Variants in MKLN1 observed in about 807,000 individuals in gnomAD.
The protein encoded by MKLN1 is muskelin.
In MKLN1, 18 loss-of-function variants were observed where a neutral mutation model predicts 99.0. That is an observed-to-expected ratio of 0.18 (90% CI 0.13 to 0.27). The LOEUF is 0.27. Ranked by LOEUF, MKLN1 falls within the 10% of genes least tolerant of loss-of-function variation. MKLN1 has a pLI of 1.00. For missense variants in MKLN1, 621 were observed against 875.9 expected (o/e 0.71, Z 3.67); for synonymous variants, 288 against 293.2 (o/e 0.98, Z 0.18).
rs1797509945 is a variant in MKLN1 at position 131,494,679 on chromosome 7, A to G, written c.*6951A>G. ...ACTTACAAATCATCCGTTCAGAAAA[A>G]TAAAAGTGGACTTCCTTTCCTAAGC... is the stretch of plus-strand genomic sequence containing the variant. On this transcript the variant is annotated 3_prime_UTR_variant, in exon 18 of 18. Transcript: ENST00000352689. 6.6e-6 allele frequency: 1 copy of G among 152,214 alleles called. No homozygotes were observed. The highest frequency in any genetic ancestry group is 6.5e-5 in the Admixed American group (1 of 15,278). The allele number at this position is 152,214 out of a possible 1,614,324, so 9.4% of individuals were successfully genotyped here. A position where few individuals can be genotyped will look rare whatever the true frequency, so the allele number is the denominator to read the frequency against.
intron 2 of MKLN1, among the ~76,000 whole-genome samples, chr7:131,385,542 A>AATT (rs556034576): frequency 9.9e-5 from 15 of 151,916 alleles, no homozygotes; most frequent in Non-Finnish European, 1.9e-4. Flanking sequence ...TGCATTTTAA[A>AATT]ATTATTATTA....
At chr7:131,352,034 G>C (rs1799734569) in intron 1 of MKLN1, among the ~76,000 whole-genome samples, 1 of 152,154 alleles carries the variant, frequency 6.6e-6, no homozygotes, top group Non-Finnish European at 1.5e-5. Flanking sequence ...CAAGACAAAT[G>C]CTTAATTCTT....
chr7:131,378,224 G>A (rs368083660), intron 2 of MKLN1, among the ~76,000 whole-genome samples: 88 of 152,238 alleles, frequency 5.8e-4, no homozygotes, highest in Middle Eastern at 3.4e-3. Flanking sequence ...TGATTCTCCT[G>A]CCTCAGCCTC....
chr7:131,344,786 G>T (rs1274417131), intron 1 of MKLN1, among the ~76,000 whole-genome samples: 1 of 152,136 alleles, frequency 6.6e-6, no homozygotes, highest in Admixed American at 6.5e-5. Flanking sequence ...TAATCAATTT[G>T]TCAGTTGATG....
At position 131,216,289 on chromosome 7, in the gene MKLN1, G is replaced by A. The variant is rs532306502; in HGVS notation, c.-179+13315G>A. On this transcript the variant is annotated intron_variant, in intron 3 of 7. Transcript: ENST00000416992. Reference sequence around the variant, plus strand: ...TACAAAAAATACAGGAGTGCGTGGTGGCGCACTCCTGTAATCCCAGCTACT... The same window carrying A: ...TACAAAAAATACAGGAGTGCGTGGTAGCGCACTCCTGTAATCCCAGCTACT... Among the ~76,000 whole-genome samples, 21 of 151,840 alleles carry A rather than the reference G, an allele frequency of 1.4e-4. No homozygotes were observed. In the South Asian group the frequency reaches 4.4e-3, roughly 32 times the overall value.
Position 131,491,212 on chromosome 7 carries a change from TCTAA to T in MKLN1, c.*3488_*3491del, listed in dbSNP as rs1797413539. 1 of 151,932 alleles carries T rather than the reference TCTAA, an allele frequency of 6.6e-6. No individual in the cohort carries two copies. Among genetic ancestry groups the T allele is most frequent in the African/African-American group, 2.4e-5 (1 of 41,364 alleles). The allele number at this position is 151,932 out of a possible 1,614,324, so 9.4% of individuals were successfully genotyped here. On this transcript the variant is annotated 3_prime_UTR_variant, in exon 18 of 18. Transcript: ENST00000352689. ...GCAATGTATATTCTAAATAAAGTCATCTAACTATTAAAAAAAAAACACCCTTCCT... is the reference window on the plus strand; with the variant it reads ...GCAATGTATATTCTAAATAAAGTCATCTATTAAAAAAAAAACACCCTTCCT...
rs1160976857 is a variant in MKLN1 at position 131,407,505 on chromosome 7, A to C, written c.704-3801A>C. ...CATTATTAATATTTTAATGTGGTGA[A>C]TTTTTCCTATTTTTAGAAGCTTCTT... On this transcript the variant is annotated intron_variant, in intron 6 of 17. Coordinates refer to ENST00000352689, the MANE Select transcript of MKLN1 (RefSeq NM_013255.5). Among the ~76,000 whole-genome samples, 5 of 151,604 alleles carry C rather than the reference A, an allele frequency of 3.3e-5. No homozygotes were observed. The East Asian group carries it at 9.7e-4, about 29-fold the overall frequency.
chr7:131,178,170 G>A (rs1304656097), intron 2 of MKLN1, among the ~76,000 whole-genome samples: 1 of 151,732 alleles, frequency 6.6e-6, no homozygotes, highest in Non-Finnish European at 1.5e-5. Flanking sequence ...AGGCTGAAGT[G>A]CAATGGCGTT....
chr7:131,331,824 A>G (rs1423453931), intron 1 of MKLN1, among the ~76,000 whole-genome samples: 1 of 152,166 alleles, frequency 6.6e-6, no homozygotes, highest in East Asian at 1.9e-4. Context: ...TAGTATACTC[A>G]TATGAGAACT....
intron 1 of MKLN1, among the ~76,000 whole-genome samples, chr7:131,122,261 G>A (rs1008810204): frequency 2.6e-5 from 4 of 152,172 alleles, no homozygotes; most frequent in African/African-American, 9.7e-5. Context: ...AAATAAATAA[G>A]TAAAACAGAT....
intron 3 of MKLN1, among the ~76,000 whole-genome samples, chr7:131,272,526 G>T (rs1395031483): frequency 1.3e-5 from 2 of 152,314 alleles, no homozygotes; most frequent in African/African-American, 4.8e-5. Context: ...CATGGGAAAA[G>T]GGAAGCCAAT....
intron 9 of MKLN1, among the ~76,000 whole-genome samples, chr7:131,430,680 C>T (rs569577247): frequency 2.0e-4 from 31 of 152,264 alleles, no homozygotes; most frequent in African/African-American, 7.2e-4. Context: ...CTCTCCATTC[C>T]TTTTAGCAGT....
Position 131,156,065 on chromosome 7 carries a change from C to G in MKLN1, c.-297+13124C>G, listed in dbSNP as rs1220043883. 1.3e-5 allele frequency among the ~76,000 whole-genome samples: 2 copies of G among 152,148 alleles called. 1 individual carries two copies. Among genetic ancestry groups the G allele is most frequent in the Admixed American group, 1.3e-4 (2 of 15,272 alleles). On this transcript the variant is annotated intron_variant, in intron 2 of 7. Coordinates refer to the MKLN1 transcript ENST00000416992. The stretch of plus-strand genomic sequence containing the variant: ...GAAATAAATTATGGGTTTTCCAATA[C>G]TTAGCAGGGATTTGTAGCAATCAAA...
intron 8 of MKLN1, among the ~76,000 whole-genome samples, chr7:131,420,063 A>G (rs1170522999): frequency 1.3e-5 from 2 of 152,182 alleles, no homozygotes; most frequent in Admixed American, 6.5e-5. Flanking sequence ...TTTTGGATGT[A>G]TTTTAAAAGG....
chr7:131,191,961 C>T (rs1315217481), intron 2 of MKLN1, among the ~76,000 whole-genome samples: 1 of 148,320 alleles, frequency 6.7e-6, no homozygotes, highest in African/African-American at 2.5e-5. Flanking sequence ...CTCAGGCAAT[C>T]TGCCTGCCTC....
At chr7:131,258,094 C>G (rs1248664949) in intron 3 of MKLN1, among the ~76,000 whole-genome samples, 5 of 150,570 alleles carry the variant, frequency 3.3e-5, no homozygotes, top group Admixed American at 6.6e-5. Flanking sequence ...GCACTCCAGC[C>G]TGGGTGACAG....
At chr7:131,130,671 C>G (rs1795535787) in intron 1 of MKLN1, among the ~76,000 whole-genome samples, 1 of 152,138 alleles carries the variant, frequency 6.6e-6, no homozygotes, top group Non-Finnish European at 1.5e-5. Context: ...GACCATGGAA[C>G]AGTATTATTC....
intron 14 of MKLN1, 86 bp downstream of exon 14, chr7:131,464,494 G>T: frequency 1.4e-6 from 1 of 737,730 alleles, no homozygotes; most frequent in Middle Eastern, 2.5e-4. Context: ...TTTTAAATTG[G>T]ATTTGAGTAA....
intron 12 of MKLN1, among the ~76,000 whole-genome samples, chr7:131,450,371 A>G (rs1188294461): frequency 1.3e-5 from 2 of 152,242 alleles, no homozygotes. Flanking sequence ...ACAGAGAGGA[A>G]AAATAAAGTG....
Sources: allele counts gnomAD v4.1 joint callset (sites outside exome capture counted in the v4.1 genomes callset), GRCh38; gene constraint gnomAD v4.1.1; transcripts MANE v1.5; gene names NCBI Gene and HGNC (gene_info 2026-07-23, HGNC 2026-07-21).